IL1RAPL2: variants seen among roughly 807,000 people sequenced by gnomAD.
IL1RAPL2 encodes X-linked interleukin-1 receptor accessory protein-like 2.
IL1RAPL2 carries 3 observed loss-of-function variants against 44.1 expected under a neutral mutation model. That is an observed-to-expected ratio of 0.07 (90% CI 0.03 to 0.18). The LOEUF is 0.18. Among genes scored for constraint, IL1RAPL2 ranks in the 10% least tolerant of loss-of-function variants. The pLI is 1.00. For synonymous variants in IL1RAPL2, 181 were observed against 178.8 expected (o/e 1.01, Z -0.10); for missense variants, 391 against 496.4 (o/e 0.79, Z 2.02).
At chrX:105,010,454 A>G (rs2031030076) in intron 2 of IL1RAPL2, among the ~76,000 whole-genome samples, 1 of 111,680 alleles carries the variant, frequency 9.0e-6, no homozygotes. Context: ...GTTACAGACT[A>G]TCTGCTTCTT....
chrX:104,577,727 G>A (rs1928269144), intron 1 of IL1RAPL2, among the ~76,000 whole-genome samples: 1 of 111,509 alleles, frequency 9.0e-6, no homozygotes, highest in Non-Finnish European at 1.9e-5. Context: ...CAGCCCAGCA[G>A]TGGCTAGGGC....
intron 3 of IL1RAPL2, among the ~76,000 whole-genome samples, chrX:105,204,510 A>G (rs2033744635): frequency 8.9e-6 from 1 of 111,979 alleles, no homozygotes; most frequent in Non-Finnish European, 1.9e-5. Flanking sequence ...CAATGCTTAT[A>G]TGGACTAATA....
At chrX:105,092,582 GT>G (rs1224293321) in intron 2 of IL1RAPL2, among the ~76,000 whole-genome samples, 1 of 111,273 alleles carries the variant, frequency 9.0e-6, no homozygotes, top group Non-Finnish European at 1.9e-5. Flanking sequence ...TGCCCACATA[GT>G]TGATCTCAGT....
At chrX:105,149,338 G>A (rs1187910470) in intron 2 of IL1RAPL2, among the ~76,000 whole-genome samples, 1 of 111,913 alleles carries the variant, frequency 8.9e-6, no homozygotes, top group Admixed American at 9.5e-5. Context: ...AAAATAGCGA[G>A]AATAGAGGAA....
chrX:104,858,749 AAACTC>A (rs1256549483), intron 2 of IL1RAPL2, among the ~76,000 whole-genome samples: 1 of 111,817 alleles, frequency 8.9e-6, no homozygotes, highest in East Asian at 2.8e-4. Flanking sequence ...TTATAACAAA[AAACTC>A]AAATCAGGAT....
intron 2 of IL1RAPL2, among the ~76,000 whole-genome samples, chrX:104,865,928 C>G (rs1463293405): frequency 8.9e-6 from 1 of 112,248 alleles, no homozygotes; most frequent in Non-Finnish European, 1.9e-5. Flanking sequence ...TCCTGTCAGT[C>G]AATTCTCCTA....
intron 1 of IL1RAPL2, among the ~76,000 whole-genome samples, chrX:104,596,273 A>G (rs751553986): frequency 1.5e-4 from 17 of 112,018 alleles, no homozygotes; most frequent in African/African-American, 4.5e-4. Context: ...TGTAATTTCT[A>G]TTAGTGACAA....
At chrX:105,731,311 C>T (rs1445995356) in intron 7 of IL1RAPL2, among the ~76,000 whole-genome samples, 1 of 110,139 alleles carries the variant, frequency 9.1e-6, no homozygotes, top group Non-Finnish European at 1.9e-5. Context: ...TAACCTACCA[C>T]GATTGAATAA....
At chrX:104,985,637 A>G (rs898519786) in intron 2 of IL1RAPL2, among the ~76,000 whole-genome samples, 4 of 111,827 alleles carry the variant, frequency 3.6e-5, no homozygotes, top group Non-Finnish European at 5.6e-5. Flanking sequence ...CTTGTCAGAA[A>G]GATGCTACCC....
At chrX:105,764,901 G>T (rs1201221021) in intron 10 of IL1RAPL2, among the ~76,000 whole-genome samples, 1 of 112,215 alleles carries the variant, frequency 8.9e-6, no homozygotes, top group African/African-American at 3.2e-5. Flanking sequence ...GTGACAGAGT[G>T]TTACTGACAA....
chrX:105,282,745 G>A (rs950083763), intron 5 of IL1RAPL2, among the ~76,000 whole-genome samples: 1 of 111,723 alleles, frequency 9.0e-6, no homozygotes, highest in Non-Finnish European at 1.9e-5. Flanking sequence ...TGAGATAGAA[G>A]GGCAGTAATA....
At chrX:105,081,109 G>T (rs1387410985) in intron 2 of IL1RAPL2, among the ~76,000 whole-genome samples, 1 of 111,500 alleles carries the variant, frequency 9.0e-6, no homozygotes, top group Non-Finnish European at 1.9e-5. Context: ...AGCTTCAGGA[G>T]ATTTTGGGCT....
intron 2 of IL1RAPL2, among the ~76,000 whole-genome samples, chrX:105,011,189 ATATAT>A (rs1242411379): frequency 1.8e-5 from 2 of 111,225 alleles, no homozygotes; most frequent in Non-Finnish European, 3.8e-5. Flanking sequence ...AATTATATAA[ATATAT>A]TATCAAACAG....
intron 5 of IL1RAPL2, among the ~76,000 whole-genome samples, chrX:105,390,773 A>T (rs1017496699): frequency 2.7e-5 from 3 of 111,075 alleles, no homozygotes; most frequent in African/African-American, 9.8e-5. Context: ...CACAGAGTTC[A>T]AGTATCTGCG....
At chrX:105,736,494 A>G (rs925586511) in intron 7 of IL1RAPL2, among the ~76,000 whole-genome samples, 6 of 110,770 alleles carry the variant, frequency 5.4e-5, no homozygotes, top group African/African-American at 2.0e-4. Context: ...ACTAATATCC[A>G]GAATCCATAA....
chrX:104,779,351 C>A (rs987155301), intron 2 of IL1RAPL2, among the ~76,000 whole-genome samples: 6 of 111,771 alleles, frequency 5.4e-5, no homozygotes, highest in Admixed American at 9.5e-5. Context: ...ATGTTTGCAT[C>A]GTCTTCCAGG....
intron 6 of IL1RAPL2, among the ~76,000 whole-genome samples, chrX:105,538,367 C>A (rs776743535): frequency 9.1e-6 from 1 of 109,516 alleles, no homozygotes; most frequent in Non-Finnish European, 1.9e-5. Flanking sequence ...TCATTCCCAT[C>A]AACATTAACC....
chrX:104,912,057 C>A (rs1053644474), intron 2 of IL1RAPL2, among the ~76,000 whole-genome samples: 5 of 111,609 alleles, frequency 4.5e-5, no homozygotes, highest in African/African-American at 1.6e-4. Context: ...TAGTGCTTAT[C>A]AGTATCCTCC....
intron 5 of IL1RAPL2, among the ~76,000 whole-genome samples, chrX:105,370,674 G>T (rs749277248): frequency 1.8e-5 from 2 of 111,975 alleles, no homozygotes; most frequent in Non-Finnish European, 3.8e-5. Context: ...TGTGAACAGT[G>T]CTGCAATGAA....
Sources: gnomAD v4.1 joint callset for allele counts (sites outside exome capture counted in the v4.1 genomes callset) on GRCh38, gnomAD v4.1.1 for gene constraint, MANE v1.5 for transcripts, NCBI Gene and HGNC (gene_info 2026-07-23, HGNC 2026-07-21) for gene names.